Variants in LDLRAD4 observed in about 807,000 individuals in gnomAD.
LDLRAD4 encodes the protein low-density lipoprotein receptor class A domain-containing protein 4.
LDLRAD4 carries 5 observed loss-of-function variants against 17.0 expected under a neutral mutation model. The ratio of observed to expected loss-of-function variants is 0.29; its 90% CI spans 0.15 to 0.62. The LOEUF is 0.62. LDLRAD4 is among the 20% of genes least tolerant of loss of function. LDLRAD4 has a pLI of 0.84. For missense variants in LDLRAD4, 340 were observed against 424.7 expected (o/e 0.80, Z 1.75); for synonymous variants, 168 against 171.8 (o/e 0.98, Z 0.17).
At chr18:13,324,141 ATTT>A (rs59296910) in intron 1 of LDLRAD4, among the ~76,000 whole-genome samples, 1 of 145,336 alleles carries the variant, frequency 6.9e-6, no homozygotes. Flanking sequence ...TCAAGTGTCT[ATTT>A]TTTTTTTTTT....
intron 1 of LDLRAD4, among the ~76,000 whole-genome samples, chr18:13,230,726 G>A (rs1001912011): frequency 9.2e-5 from 14 of 152,164 alleles, no homozygotes; most frequent in Non-Finnish European, 1.5e-4. Flanking sequence ...TACAGTGCCT[G>A]AAATTTCAAA....
At chr18:13,547,077 A>C (rs1168052437) in intron 3 of LDLRAD4, among the ~76,000 whole-genome samples, 1 of 152,180 alleles carries the variant, frequency 6.6e-6, no homozygotes, top group Non-Finnish European at 1.5e-5. Context: ...CGATGTTGAC[A>C]AGTAGAGCTC....
chr18:13,328,046 C>T (rs551237500), intron 1 of LDLRAD4, among the ~76,000 whole-genome samples: 12 of 152,286 alleles, frequency 7.9e-5, no homozygotes, highest in African/African-American at 2.9e-4. Flanking sequence ...AGGCTCTCCT[C>T]CCTGCGGGCT....
chr18:13,260,177 G>A (rs1028003868), intron 1 of LDLRAD4, among the ~76,000 whole-genome samples: 9 of 152,208 alleles, frequency 5.9e-5, no homozygotes, highest in African/African-American at 1.9e-4. Flanking sequence ...AACTTCTATT[G>A]GAGGTCATTG....
intron 3 of LDLRAD4, among the ~76,000 whole-genome samples, chr18:13,547,470 G>C (rs1283948139): frequency 6.6e-6 from 1 of 152,158 alleles, no homozygotes; most frequent in East Asian, 1.9e-4. Flanking sequence ...TTTTGCTCAG[G>C]CCCACTGGGC....
Position 13,443,434 on chromosome 18 carries a change from C to T in LDLRAD4, c.181+5050C>T, listed in dbSNP as rs561563398. 2.6e-5 allele frequency among the ~76,000 whole-genome samples: 4 copies of T among 152,290 alleles called. No homozygotes were observed. In the South Asian group the frequency reaches 6.2e-4, roughly 24 times the overall value. ...ATAACCTGGGCTTGCAAATGCCAGA[C>T]GCTTCTATTTTTTCCCTATAATTAT... On this transcript the variant is annotated intron_variant, in intron 3 of 5. Transcript: ENST00000359446.
chr18:13,461,009 C>T (rs1442020566), intron 3 of LDLRAD4: 2 of 152,248 alleles, frequency 1.3e-5, no homozygotes, highest in African/African-American at 2.4e-5. Flanking sequence ...TTCTGCAGCC[C>T]CCACTGCACC....
chr18:13,259,934 G>A lies in LDLRAD4; in HGVS notation c.-466-18171G>A, dbSNP rs189278191. Among the ~76,000 whole-genome samples the A allele has an allele frequency of 3.7e-3, 571 of 152,370 alleles. 3 individuals carry two copies. Among genetic ancestry groups the A allele is most frequent in the African/African-American group, 0.013 (549 of 41,596 alleles). ...GGGGAACGTGTGGTTTGGAGAAGCC[G>A]CTTCTTGCACCACTGCTCCTGTAAC... On this transcript the variant is annotated intron_variant, in intron 1 of 5. Transcript: ENST00000399848.
At chr18:13,361,807 C>A (rs567574131) in intron 1 of LDLRAD4, among the ~76,000 whole-genome samples, 1 of 152,266 alleles carries the variant, frequency 6.6e-6, no homozygotes, top group South Asian at 2.1e-4. Context: ...CAGCTGCATT[C>A]TTGGTAGGGT....
intron 3 of LDLRAD4, chr18:13,614,055 A>G (rs1272147549): frequency 6.6e-6 from 1 of 152,208 alleles, no homozygotes; most frequent in Non-Finnish European, 1.5e-5. Context: ...CTCCAGCACC[A>G]CTGAAGTCAT....
At chr18:13,505,340 T>C (rs2093673872) in intron 3 of LDLRAD4, among the ~76,000 whole-genome samples, 1 of 152,174 alleles carries the variant, frequency 6.6e-6, no homozygotes, top group Admixed American at 6.5e-5. Context: ...ACCATAAAAA[T>C]GGCCCTGTGA....
chr18:13,432,096 G>A (rs1347719367), intron 2 of LDLRAD4, among the ~76,000 whole-genome samples: 1 of 152,132 alleles, frequency 6.6e-6, no homozygotes, highest in Non-Finnish European at 1.5e-5. Flanking sequence ...GTGCAGTCTC[G>A]CAGCCTACTC....
At chr18:13,644,298 A>G (rs2042869969) in intron 5 of LDLRAD4, among the ~76,000 whole-genome samples, 1 of 151,422 alleles carries the variant, frequency 6.6e-6, no homozygotes, top group African/African-American at 2.4e-5. Flanking sequence ...CCGGCGCAGT[A>G]GCTCATGACT....
chr18:13,648,902 TACTG>T (rs1189031287), exon 6 of LDLRAD4: 1 of 152,202 alleles, frequency 6.6e-6, no homozygotes, highest in Non-Finnish European at 1.5e-5. Context: ...TCTCTTTAAA[TACTG>T]ACGCAATCCT....
At chr18:13,486,076 A>G (rs112980937) in intron 3 of LDLRAD4, among the ~76,000 whole-genome samples, 7 of 152,272 alleles carry the variant, frequency 4.6e-5, no homozygotes, top group Middle Eastern at 3.4e-3. Flanking sequence ...ATAATTGCTC[A>G]TGGTTGTGGG....
At chr18:13,317,554 A>G (rs1472863464) in intron 1 of LDLRAD4, among the ~76,000 whole-genome samples, 2 of 152,260 alleles carry the variant, frequency 1.3e-5, no homozygotes, top group African/African-American at 4.8e-5. Context: ...GGATTGGTAG[A>G]ACAATGGTAC....
intron 1 of LDLRAD4, among the ~76,000 whole-genome samples, chr18:13,359,740 T>G (rs1471068822): frequency 6.6e-6 from 1 of 152,232 alleles, no homozygotes; most frequent in Non-Finnish European, 1.5e-5. Flanking sequence ...ATGAATGATT[T>G]GAACGTTGGT....
At chr18:13,609,619 G>A (rs2039302662) in intron 3 of LDLRAD4, among the ~76,000 whole-genome samples, 1 of 152,106 alleles carries the variant, frequency 6.6e-6, no homozygotes, top group Non-Finnish European at 1.5e-5. Flanking sequence ...TTTTGAAAGT[G>A]GTTTTTAAAC....
chr18:13,517,397 T>TA (rs2093883673), intron 3 of LDLRAD4, among the ~76,000 whole-genome samples: 1 of 152,242 alleles, frequency 6.6e-6, no homozygotes, highest in African/African-American at 2.4e-5. Context: ...TGATGTGGTT[T>TA]TCCCTCCACA....
Sources: gnomAD v4.1 joint callset for allele counts (sites outside exome capture counted in the v4.1 genomes callset) on GRCh38, gnomAD v4.1.1 for gene constraint, MANE v1.5 for transcripts, NCBI Gene and HGNC (gene_info 2026-07-23, HGNC 2026-07-21) for gene names.